The following PTPRD variants were observed in gnomAD, a reference collection of about 807,000 sequenced individuals.
The protein encoded by PTPRD is protein tyrosine phosphatase receptor type D.
Under a neutral mutation model 214.5 loss-of-function variants are expected in PTPRD, and 34 were observed. The observed-to-expected ratio is 0.16, with a 90% CI of 0.12 to 0.21. The LOEUF (loss-of-function observed/expected upper bound fraction) is 0.21. PTPRD is among the 10% of genes least tolerant of loss of function. The probability of loss-of-function intolerance (pLI) is 1.00; values close to 1 mark genes in which losing one functional copy is unlikely to be tolerated. For synonymous variants in PTPRD, 1,128 were observed against 845.7 expected (o/e 1.33, Z -5.79); for missense variants, 2,545 against 2,398.7 (o/e 1.06, Z -1.27).
At chr9:9,960,379 A>G (rs750892843) in intron 4 of PTPRD, among the ~76,000 whole-genome samples, 1 of 152,176 alleles carries the variant, frequency 6.6e-6, no homozygotes, top group African/African-American at 2.4e-5. Flanking sequence ...TAGCTACTCT[A>G]TCTCAAGAAA....
chr9:9,639,151 A>G (rs1420501214), intron 7 of PTPRD, among the ~76,000 whole-genome samples: 1 of 152,186 alleles, frequency 6.6e-6, no homozygotes, highest in Non-Finnish European at 1.5e-5. Context: ...TTATTAAATC[A>G]CTTTGATTTG....
intron 7 of PTPRD, among the ~76,000 whole-genome samples, chr9:9,655,338 G>T (rs778677625): frequency 2.6e-5 from 4 of 151,926 alleles, no homozygotes; most frequent in Non-Finnish European, 5.9e-5. Flanking sequence ...GGGAGGTCAA[G>T]GTGGGCAGAT....
chr9:8,813,958 C>T (rs914417218), intron 11 of PTPRD, among the ~76,000 whole-genome samples: 10 of 152,312 alleles, frequency 6.6e-5, no homozygotes, highest in Middle Eastern at 3.4e-3. Flanking sequence ...ACATTTCTTT[C>T]GGCCTTCCTC....
intron 5 of PTPRD, among the ~76,000 whole-genome samples, chr9:9,878,005 G>A (rs1019971488): frequency 1.4e-5 from 2 of 143,502 alleles, no homozygotes; most frequent in Admixed American, 7.0e-5. Flanking sequence ...ATGCATGTTT[G>A]CCCTTCTCAC....
chr9:10,399,438 A>G lies in PTPRD; in HGVS notation c.-599-58421T>C, dbSNP rs189870161. ...ATTCAAAAAAATCCAAAACATTTTC[A>G]TAAGTGTTATTTAATACAACAAACA... On this transcript the variant is annotated intron_variant, in intron 2 of 45. Coordinates refer to ENST00000381196, the MANE Select transcript of PTPRD (RefSeq NM_002839.4). Among the ~76,000 whole-genome samples, 724 of 152,142 alleles carry G rather than the reference A, an allele frequency of 4.8e-3. 7 individuals are homozygous for G. Among genetic ancestry groups the G allele is most frequent in the Admixed American group, 0.015 (224 of 15,250 alleles).
intron 11 of PTPRD, among the ~76,000 whole-genome samples, chr9:9,018,162 C>G (rs1317044959): frequency 6.6e-6 from 1 of 152,050 alleles, no homozygotes; most frequent in East Asian, 1.9e-4. Context: ...TGAAGATTCC[C>G]TCATAACCAT....
chr9:9,891,699 A>G (rs973197801), intron 5 of PTPRD, among the ~76,000 whole-genome samples: 5 of 152,078 alleles, frequency 3.3e-5, no homozygotes, highest in Admixed American at 6.6e-5. Context: ...ACTATTTCCT[A>G]TTTATAAGTT....
At chr9:10,143,966 G>T (rs2099005620) in intron 3 of PTPRD, among the ~76,000 whole-genome samples, 1 of 152,006 alleles carries the variant, frequency 6.6e-6, no homozygotes, top group Non-Finnish European at 1.5e-5. Flanking sequence ...CTCACTATCT[G>T]GGAGATGGAT....
chr9:9,937,688 T>C (rs573608276), intron 5 of PTPRD, among the ~76,000 whole-genome samples: 1 of 152,302 alleles, frequency 6.6e-6, no homozygotes, highest in African/African-American at 2.4e-5. Context: ...CCTAGTACTG[T>C]TGATGAGTTT....
At chr9:8,710,147 A>G (rs765609426) in intron 12 of PTPRD, among the ~76,000 whole-genome samples, 13 of 152,152 alleles carry the variant, frequency 8.5e-5, no homozygotes, top group Non-Finnish European at 1.6e-4. Flanking sequence ...TTTGTTACTA[A>G]TATTAGAAGC....
chr9:9,920,065 C>T (rs528687029), intron 5 of PTPRD, among the ~76,000 whole-genome samples: 3 of 152,020 alleles, frequency 2.0e-5, no homozygotes, highest in Non-Finnish European at 4.4e-5. Flanking sequence ...GCAATGTTAG[C>T]AATTTTCAAA....
intron 3 of PTPRD, among the ~76,000 whole-genome samples, chr9:10,325,463 T>C (rs1020567114): frequency 6.6e-6 from 1 of 151,970 alleles, no homozygotes; most frequent in Non-Finnish European, 1.5e-5. Context: ...CCCTACTGTC[T>C]TTATAAACAA....
intron 3 of PTPRD, among the ~76,000 whole-genome samples, chr9:10,191,759 T>C (rs1593668802): frequency 6.6e-6 from 1 of 152,202 alleles, no homozygotes; most frequent in Non-Finnish European, 1.5e-5. Context: ...GTTCTCATAG[T>C]ATTTTTTAAA....
intron 3 of PTPRD, among the ~76,000 whole-genome samples, chr9:10,034,496 T>C (rs1467425270): frequency 6.6e-6 from 1 of 151,104 alleles, no homozygotes; most frequent in East Asian, 1.9e-4. Context: ...TCATAGGCGT[T>C]TGTTGTGCCT....
At chr9:9,983,060 CAA>C (rs59328972) in intron 4 of PTPRD, among the ~76,000 whole-genome samples, 115,679 of 147,558 alleles carry the variant, frequency 0.78, 45,741 homozygotes, top group Middle Eastern at 0.89. Flanking sequence ...TATGTTATAC[CAA>C]AAAAAAAAAA....
chr9:8,490,822 A>C (rs13301979), intron 27 of PTPRD, among the ~76,000 whole-genome samples: 1 of 152,074 alleles, frequency 6.6e-6, no homozygotes, highest in Non-Finnish European at 1.5e-5. Flanking sequence ...GGTATAATAA[A>C]CAAATATCCC....
chr9:8,817,192 A>T (rs994574069), intron 11 of PTPRD, among the ~76,000 whole-genome samples: 1 of 152,234 alleles, frequency 6.6e-6, no homozygotes, highest in Non-Finnish European at 1.5e-5. Context: ...ATGCTAGTTA[A>T]ATTCACTTCT....
At chr9:9,861,259 A>G (rs1486477319) in intron 5 of PTPRD, among the ~76,000 whole-genome samples, 2 of 152,054 alleles carry the variant, frequency 1.3e-5, no homozygotes, top group East Asian at 1.9e-4. Context: ...AGTAATTAAG[A>G]TTGAAATAGT....
chr9:9,788,566 G>GA (rs1265627893), intron 5 of PTPRD, among the ~76,000 whole-genome samples: 1 of 118,536 alleles, frequency 8.4e-6, no homozygotes, highest in African/African-American at 3.3e-5. Flanking sequence ...AAAAAAAAAA[G>GA]AAAGAAAAAA....
Sources: allele counts gnomAD v4.1 joint callset (sites outside exome capture counted in the v4.1 genomes callset), GRCh38; gene constraint gnomAD v4.1.1; transcripts MANE v1.5; gene names NCBI Gene and HGNC (gene_info 2026-07-23, HGNC 2026-07-21).